The following GAS2L3 variants were observed in gnomAD, a reference collection of about 807,000 sequenced individuals.
GAS2L3 encodes the protein growth arrest specific 2 like 3, also known as GAS2-like protein 3.
GAS2L3 carries 28 observed loss-of-function variants against 37.0 expected under a neutral mutation model. The observed-to-expected ratio is 0.76, with a 90% CI of 0.56 to 1.04. The LOEUF is 1.04. GAS2L3 is among the 50% of genes least tolerant of loss of function. GAS2L3 has a pLI of 0.00. For synonymous variants in GAS2L3, 290 were observed against 296.6 expected, an observed-to-expected ratio of 0.98 and a Z score of 0.23; for missense variants, 793 against 817.6, an observed-to-expected ratio of 0.97 and a Z score of 0.37.
chr12:100,614,606 A>T (rs2136541928), intron 6 of GAS2L3, among the ~76,000 whole-genome samples: 1 of 152,346 alleles, frequency 6.6e-6, no homozygotes, highest in South Asian at 2.1e-4. Flanking sequence ...TAGTATATTC[A>T]CTATGTTGTA....
chr12:100,611,855 G>A, intron 5 of GAS2L3, 145 bp from the exon 6 acceptor site: 5 of 631,096 alleles, frequency 7.9e-6, no homozygotes, highest in Non-Finnish European at 1.4e-5. Context: ...AAATAAAATA[G>A]TTTTCAAAAC....
intron 9 of GAS2L3, 142 bp from the exon 10 acceptor site, chr12:100,623,420 A>G: frequency 1.7e-6 from 1 of 595,070 alleles, no homozygotes; most frequent in East Asian, 2.8e-5. Context: ...TACAAGAAAC[A>G]AACTGTCAAT....
chr12:100,601,965 A>G (rs532144397), intron 5 of GAS2L3, among the ~76,000 whole-genome samples: 78 of 152,276 alleles, frequency 5.1e-4, no homozygotes, highest in African/African-American at 1.8e-3. Flanking sequence ...CAAGATCTGG[A>G]AAAATGTTCT....
Position 100,608,112 on chromosome 12 carries a change from G to A in GAS2L3, c.304-3888G>A, listed in dbSNP as rs140680385. On this transcript the variant is annotated intron_variant, in intron 5 of 9. Transcript: ENST00000547754. ...CAAACCCAATAATGCCATGGTTCTC[G>A]CAGACTTATAGAGGTACCACCTTAG... is the stretch of plus-strand genomic sequence containing the variant. Among the ~76,000 whole-genome samples the A allele has an allele frequency of 1.5e-3, 231 of 152,300 alleles. 2 individuals carry two copies. The East Asian group carries it at 0.023, about 15-fold the overall frequency.
At chr12:100,603,710 A>C (rs182259017) in intron 5 of GAS2L3, among the ~76,000 whole-genome samples, 45 of 152,218 alleles carry the variant, frequency 3.0e-4, no homozygotes, top group African/African-American at 1.0e-3. Context: ...TGCCCAGACC[A>C]ATATCCTGGA....
chr12:100,579,691 C>T (rs556671515), intron 1 of GAS2L3: 54 of 775,630 alleles, frequency 7.0e-5, no homozygotes, highest in South Asian at 5.8e-4. Context: ...TTCTGCATGG[C>T]GATCATGGAA....
In GAS2L3 at chr12:100,624,135, G is replaced by T. The variant is rs187607262; in HGVS notation, c.1330G>T (p.Ala444Ser). The T allele has an allele frequency of 6.2e-7, 1 of 1,612,800 alleles. No individual in the cohort carries two copies. Among genetic ancestry groups the T allele is most frequent in the South Asian group, 1.1e-5 (1 of 91,038 alleles). Residue 444 changes from alanine (A) to serine (S), a missense_variant, in exon 10 of 10, where the codon GCC (alanine) becomes TCC (serine). Physicochemically the swap from Ala to Ser is moderately conservative, Grantham distance 99. Transcript: ENST00000547754. Reference sequence around the variant, plus strand: ...TATTTCATCCCCCAATACCCCCAAGGCCAAGGTTATTCCAGCCCAGAATTC... The same window carrying T: ...TATTTCATCCCCCAATACCCCCAAGTCCAAGGTTATTCCAGCCCAGAATTC... ...KCISSPNTPK[A>S]KVIPAQNSAD...
intron 1 of GAS2L3, chr12:100,578,816 C>A: frequency 1.5e-6 from 1 of 654,838 alleles, no homozygotes; most frequent in Middle Eastern, 2.7e-4. Context: ...CCCTGGAAGT[C>A]TTTACACACG....
At chr12:100,581,498 T>G (rs1955711870) in intron 1 of GAS2L3, among the ~76,000 whole-genome samples, 1 of 152,218 alleles carries the variant, frequency 6.6e-6, no homozygotes, top group East Asian at 1.9e-4. Context: ...ATTATGAGAT[T>G]TTAAAAAATG....
At chr12:100,579,782 A>G in intron 1 of GAS2L3, 4 of 718,650 alleles carry the variant, frequency 5.6e-6, no homozygotes, top group Admixed American at 4.2e-5. Context: ...TTACTATTTT[A>G]TGAGAAACTT....
At chr12:100,593,703 A>G (rs899232123) in intron 2 of GAS2L3, 2 of 152,096 alleles carry the variant, frequency 1.3e-5, no homozygotes, top group Admixed American at 1.3e-4. Flanking sequence ...CGAGAAGTGG[A>G]TCTTTGTTGC....
chr12:100,613,098 T>G (rs1248319120), intron 6 of GAS2L3, among the ~76,000 whole-genome samples: 4 of 152,226 alleles, frequency 2.6e-5, no homozygotes, highest in African/African-American at 9.7e-5. Context: ...TTATTGACAG[T>G]GTAGTTGATG....
intron 5 of GAS2L3, among the ~76,000 whole-genome samples, chr12:100,611,618 T>C (rs1304782339): frequency 6.6e-6 from 1 of 152,110 alleles, no homozygotes; most frequent in Non-Finnish European, 1.5e-5. Context: ...TCATCAGCCA[T>C]TAGATTCTCA....
At chr12:100,587,169 T>A (rs1446740702) in intron 1 of GAS2L3, among the ~76,000 whole-genome samples, 1 of 152,070 alleles carries the variant, frequency 6.6e-6, no homozygotes, top group Admixed American at 6.5e-5. Flanking sequence ...TTGGTACCAA[T>A]CCTTTTGACA....
At chr12:100,601,426 C>T (rs999600260) in intron 4 of GAS2L3, among the ~76,000 whole-genome samples, 1 of 151,934 alleles carries the variant, frequency 6.6e-6, no homozygotes. Flanking sequence ...GTCAGTTTTT[C>T]TGTACTTCTA....
rs753878982 is a variant in GAS2L3 at position 100,623,690 on chromosome 12, T to C, written c.885T>C (p.Phe295=). The C allele has an allele frequency of 1.2e-6, 2 of 1,614,004 alleles. No individual in the cohort carries two copies. Among genetic ancestry groups the C allele is most frequent in the Non-Finnish European group, 1.7e-6 (2 of 1,179,956 alleles). ...CATTAGAACAAAAAATTTTAGCATT[T>C]CAAAAAGGAGTTTCTAATGAAAGTG... ...FATLEQKILA[F]QKGVSNESVP... Residue 295 remains phenylalanine (F), a synonymous_variant, in exon 10 of 10, where the codon TTT becomes TTC. Transcript: ENST00000547754.
chr12:100,600,263 C>T, intron 3 of GAS2L3, 119 bp from the exon 4 acceptor site: 1 of 656,076 alleles, frequency 1.5e-6, no homozygotes, highest in Non-Finnish European at 2.6e-6. Context: ...GCCACAGCAG[C>T]TTTTTATATG....
rs1205356059 is a variant in GAS2L3, at chr12:100,621,882, G to GGAGAGAGAGAGA, written c.649-378_649-367dup. Among the ~76,000 whole-genome samples, 6 of 81,294 alleles carry GGAGAGAGAGAGA rather than the reference G, an allele frequency of 7.4e-5. No individual in the cohort carries two copies. The South Asian group carries it at 1.8e-3, about 24-fold the overall frequency. The allele number at this position is 81,294 out of a possible 152,430, so 53.3% of individuals were successfully genotyped here. On this transcript the variant is annotated intron_variant, in intron 8 of 9. Coordinates refer to ENST00000547754, the MANE Select transcript of GAS2L3 (RefSeq NM_174942.3). Reference sequence around the variant, plus strand: ...GTGGTGGGGAGGGAGGGTGGGGGGGGGAGAGAGAGAGAGAGAGAGAGAGAG... The same window carrying GGAGAGAGAGAGA: ...GTGGTGGGGAGGGAGGGTGGGGGGGGGAGAGAGAGAGAGAGAGAGAGAGAGAGAGAGAGAGAG...
At chr12:100,615,229 G>A (rs985774009) in intron 6 of GAS2L3, among the ~76,000 whole-genome samples, 1 of 152,036 alleles carries the variant, frequency 6.6e-6, no homozygotes, top group African/African-American at 2.4e-5. Flanking sequence ...ATTTTGTTGT[G>A]GTTTTGATTC....
Sources: allele counts gnomAD v4.1 joint callset (sites outside exome capture counted in the v4.1 genomes callset), GRCh38; gene constraint gnomAD v4.1.1; transcripts MANE v1.5; gene names NCBI Gene and HGNC (gene_info 2026-07-23, HGNC 2026-07-21).